The following KNDC1 variants were observed in gnomAD, a reference collection of about 807,000 sequenced individuals.
The protein encoded by KNDC1 is kinase non-catalytic C-lobe domain containing 1.
KNDC1 carries 106 observed loss-of-function variants against 172.8 expected under a neutral mutation model. The observed-to-expected ratio is 0.61, with a 90% CI of 0.52 to 0.72. The LOEUF (loss-of-function observed/expected upper bound fraction) is 0.72, where lower values mean the gene tolerates loss of function less well. Among genes scored for constraint, KNDC1 ranks in the 30% least tolerant of loss-of-function variants. KNDC1 has a pLI of 0.00. For missense variants in KNDC1, 2,325 were observed against 2,394.5 expected (o/e 0.97, Z 0.61); for synonymous variants, 1,083 against 1,062.2 (o/e 1.02, Z -0.38).
intron 17 of KNDC1, among the ~76,000 whole-genome samples, chr10:133,205,511 T>A (rs1845160448): frequency 6.6e-6 from 1 of 152,168 alleles, no homozygotes; most frequent in Non-Finnish European, 1.5e-5. Context: ...ACATTTACAC[T>A]CAACGCTCAT....
chr10:133,212,885 C>T lies in KNDC1; in HGVS notation c.4406C>T (p.Thr1469Ile), dbSNP rs769572634. Residue 1469 changes from threonine (T) to isoleucine (I), a missense_variant, in exon 24 of 30, where the codon ACT (threonine) becomes ATT (isoleucine). By Grantham distance (89) the Thr-to-Ile change is moderately conservative (BLOSUM62 -1). Transcript: ENST00000304613. ...KGPYFLTEYS[T>I]HQLFSQLTLL... ...CCCTACTTCCTGACGGAGTACAGCA[C>T]TCACCAGCTCTTCAGCCAGCTCACG... 11 of 1,613,614 alleles carry T rather than the reference C, an allele frequency of 6.8e-6. No homozygotes were observed. In the East Asian group the frequency reaches 2.0e-4, roughly 29 times the overall value.
chr10:133,172,174 C>A (rs891710791), intron 3 of KNDC1, among the ~76,000 whole-genome samples: 1 of 152,168 alleles, frequency 6.6e-6, no homozygotes, highest in Admixed American at 6.5e-5. Flanking sequence ...CAGGGAGAAA[C>A]TGACCACTCC....
intron 9 of KNDC1, among the ~76,000 whole-genome samples, chr10:133,194,440 A>C (rs1172061722): frequency 6.9e-6 from 1 of 145,650 alleles, no homozygotes; most frequent in African/African-American, 2.4e-5. Flanking sequence ...TATCAGTATC[A>C]GTATTTTGCA....
In KNDC1 at chr10:133,186,237, C is replaced by A; in HGVS notation, c.889C>A (p.Leu297Ile). ...CCTCGGGGAGCTGGACAGAGACGCC[C>A]TCAGGAGAAGCCGCCTGCGGAAGGT... ...RTLGELDRDA[L>I]RRSRLRKVQT... The change falls in exon 6 of 30, where the codon CTC becomes ATC. Residue 297 changes from leucine (L) to isoleucine (I), a missense_variant. Coordinates refer to ENST00000304613, the MANE Select transcript of KNDC1 (RefSeq NM_152643.8). 6.3e-7 allele frequency: 1 copy of A among 1,593,728 alleles called. No homozygotes were observed. Among genetic ancestry groups the A allele is most frequent in the Non-Finnish European group, 8.5e-7 (1 of 1,170,870 alleles).
chr10:133,190,961 A>C (rs1271716764), intron 9 of KNDC1, among the ~76,000 whole-genome samples: 4 of 152,344 alleles, frequency 2.6e-5, no homozygotes, highest in African/African-American at 9.6e-5. Flanking sequence ...AAGGAACGAA[A>C]ATCGCTGGGA....
chr10:133,199,320 C>T (rs1267282360), intron 14 of KNDC1, 54 bp downstream of exon 14: 1 of 1,547,678 alleles, frequency 6.5e-7, no homozygotes, highest in Non-Finnish European at 8.7e-7. Flanking sequence ...GAGAGCCCCA[C>T]AGGGGACTCG....
Position 133,211,429 on chromosome 10 carries a change from C to G in KNDC1, c.3916C>G (p.Gln1306Glu), listed in dbSNP as rs1243532631. The G allele has an allele frequency of 1.9e-6, 3 of 1,610,432 alleles. No homozygotes were observed. Among genetic ancestry groups the G allele is most frequent in the Admixed American group, 1.7e-5 (1 of 59,690 alleles). Residue 1306 changes from glutamine to glutamate, a missense_variant, in exon 22 of 30, where the codon CAG becomes GAG. Physicochemically the swap from Gln to Glu is conservative, Grantham distance 29. Coordinates refer to ENST00000304613, the MANE Select transcript of KNDC1 (RefSeq NM_152643.8). Reference protein sequence around the residue: ...RINSTLTRAHQDPTSTFTKIY... With the variant: ...RINSTLTRAHEDPTSTFTKIY... ...GCTCCCCTGCGTCTCCAGGGCCCAC[C>G]AGGACCCCACCTCGACCTTCACCAA...
intron 3 of KNDC1, among the ~76,000 whole-genome samples, chr10:133,177,669 G>A (rs1461059268): frequency 4.0e-5 from 6 of 151,864 alleles, no homozygotes; most frequent in East Asian, 1.9e-4. Context: ...TGCATGTGGT[G>A]TGTATATCAT....
At chr10:133,179,364 A>G (rs1383056157) in intron 3 of KNDC1, 1 of 152,156 alleles carries the variant, frequency 6.6e-6, no homozygotes. Context: ...TGGACCCACC[A>G]CGCTGAGTGC....
chr10:133,195,687 G>A lies in KNDC1; in HGVS notation c.1600G>A (p.Val534Ile), dbSNP rs541722509. 5.2e-5 allele frequency: 84 copies of A among 1,612,076 alleles called. No homozygotes were observed. The highest frequency in any genetic ancestry group is 9.3e-5 in the African/African-American group (7 of 75,022). Reference protein sequence around the residue: ...EKASVYCVAAVLWTAAKFSVP... With the variant: ...EKASVYCVAAILWTAAKFSVP... ...GGCCTCTGTGTACTGTGTGGCCGCC[G>A]TTCTGTGGACCGCAGCCAAGTTCAG... Residue 534 changes from valine (V) to isoleucine (I), a missense_variant, in exon 10 of 30, where the codon GTT becomes ATT. Transcript: ENST00000304613.
In KNDC1 at chr10:133,177,207, AGTGT is replaced by A. The variant is rs982579182; in HGVS notation, c.361-6129_361-6126del. 1.1e-3 allele frequency among the ~76,000 whole-genome samples: 171 copies of A among 150,090 alleles called. 2 individuals are homozygous for A. The highest frequency in any genetic ancestry group is 3.8e-3 in the African/African-American group (157 of 41,066). On this transcript the variant is annotated intron_variant, in intron 3 of 29. Transcript: ENST00000304613. The stretch of plus-strand genomic sequence containing the variant: ...TGTCATGTGCACGTGTATGTAGTAT[AGTGT>A]GTGTGTGCATGGTGTGTGCATATGC...
At chr10:133,200,723 G>GC (rs2136000828) in intron 16 of KNDC1, among the ~76,000 whole-genome samples, 1 of 147,658 alleles carries the variant, frequency 6.8e-6, no homozygotes, top group Non-Finnish European at 1.5e-5. Flanking sequence ...CTGGGGGCGA[G>GC]CAGGAGCCCA....
At chr10:133,175,083 GTGGA>G (rs1853490320) in intron 3 of KNDC1, among the ~76,000 whole-genome samples, 1 of 143,636 alleles carries the variant, frequency 7.0e-6, no homozygotes, top group Non-Finnish European at 1.5e-5. Context: ...GGGTGGATGG[GTGGA>G]TGGATAGATG....
At chr10:133,186,826 G>A (rs954660859) in intron 6 of KNDC1, 152 bp downstream of exon 6, 15 of 650,304 alleles carry the variant, frequency 2.3e-5, no homozygotes, top group Admixed American at 1.7e-4. Context: ...GAGCTGCCCC[G>A]TTTCTGAAGG....
At position 133,186,341 on chromosome 10, in the gene KNDC1, G is replaced by A; in HGVS notation, c.993G>A (p.Leu331=). 1 of 1,612,722 alleles carries A rather than the reference G, an allele frequency of 6.2e-7. No homozygotes were observed. Among genetic ancestry groups the A allele is most frequent in the African/African-American group, 1.3e-5 (1 of 75,052 alleles). Residue 331 remains leucine, a synonymous_variant, in exon 6 of 30, where the codon CTG becomes CTA. Coordinates refer to ENST00000304613, the MANE Select transcript of KNDC1 (RefSeq NM_152643.8). ...CGCTGACCCGCGGGAAAAGCCAGCT[G>A]CCCATATCGGAATTATTCTCTCCGG... ...CLPLTRGKSQ[L]PISELFSPDP...
rs1282889366 is a variant in KNDC1 at position 133,163,579 on chromosome 10, T to C, written c.102+3010T>C. On this transcript the variant is annotated intron_variant, in intron 1 of 29. Coordinates refer to ENST00000304613, the MANE Select transcript of KNDC1 (RefSeq NM_152643.8). This position sits in a 1 kb window ranked among gnomAD's most constrained non-coding sequence, Gnocchi z 4.4. The stretch of plus-strand genomic sequence containing the variant: ...GGCAGCCAGTGCTCCCAGCTGTGAT[T>C]GGAGTTTTGTATTAGTCCTGTTAGA... 1.3e-5 allele frequency among the ~76,000 whole-genome samples: 2 copies of C among 152,060 alleles called. No homozygotes were observed. The highest frequency in any genetic ancestry group is 4.8e-5 in the African/African-American group (2 of 41,376).
chr10:133,219,641 G>C (rs1845540585), intron 28 of KNDC1, among the ~76,000 whole-genome samples: 1 of 152,192 alleles, frequency 6.6e-6, no homozygotes, highest in Admixed American at 6.5e-5. Context: ...TCTCATTTAG[G>C]GAAGCTGGGT....
At position 133,186,186 on chromosome 10, in the gene KNDC1, G is replaced by A. The variant is rs577318560; in HGVS notation, c.838G>A (p.Gly280Ser). 1.5e-5 allele frequency: 23 copies of A among 1,572,454 alleles called. No individual in the cohort carries two copies. Among genetic ancestry groups the A allele is most frequent in the South Asian group, 1.4e-4 (12 of 85,436 alleles). The change falls in exon 6 of 30, where the codon GGC (glycine) becomes AGC (serine). Residue 280 changes from glycine to serine, a missense_variant. Gly to Ser is a moderately conservative substitution (Grantham distance 56). Coordinates refer to ENST00000304613, the MANE Select transcript of KNDC1 (RefSeq NM_152643.8). ...GAGCCACAGCCGGGAGGGGCTGGCC[G>A]GCCTCGTCCTGGATGCCGAGCGCAC... The part of the protein sequence containing the change: ...GESHSREGLA[G>S]LVLDAERTLG...
intron 24 of KNDC1, 30 bp from the exon 25 acceptor site, chr10:133,213,615 C>G: frequency 6.2e-7 from 1 of 1,605,400 alleles, no homozygotes; most frequent in Non-Finnish European, 8.5e-7. Context: ...GGATGGAAGC[C>G]TGAACCTCTT....
Sources: allele counts gnomAD v4.1 joint callset (sites outside exome capture counted in the v4.1 genomes callset), GRCh38; gene constraint gnomAD v4.1.1; non-coding constraint Gnocchi (gnomAD v3.1); transcripts MANE v1.5; gene names NCBI Gene and HGNC (gene_info 2026-07-23, HGNC 2026-07-21).